Variants in KRT17 observed in about 807,000 individuals in gnomAD.
KRT17 encodes the protein keratin, type I cytoskeletal 17.
Under a neutral mutation model 45.6 loss-of-function variants are expected in KRT17, and 29 were observed. That is an observed-to-expected ratio of 0.64 (90% CI 0.47 to 0.87). The LOEUF (loss-of-function observed/expected upper bound fraction) is 0.87, where lower values mean the gene tolerates loss of function less well. Among genes scored for constraint, KRT17 ranks in the 40% least tolerant of loss-of-function variants. The pLI, the probability that KRT17 is intolerant of heterozygous loss-of-function variation, is 0.00. For synonymous variants in KRT17, 219 were observed against 234.6 expected (o/e 0.93, Z 0.61); for missense variants, 536 against 577.8 (o/e 0.93, Z 0.74).
At chr17:41,624,015 A>T in intron 1 of KRT17, 63 bp downstream of exon 1, 2 of 1,609,738 alleles carry the variant, frequency 1.2e-6, no homozygotes, top group Non-Finnish European at 1.7e-6. Flanking sequence ...GCCTTTGGCC[A>T]AGGCAGGAGT....
At chr17:41,621,227 T>C (rs1908531597) in intron 4 of KRT17, 136 bp from the exon 5 acceptor site, 1 of 1,180,406 alleles carries the variant, frequency 8.5e-7, no homozygotes, top group South Asian at 1.3e-5. Context: ...AACATGCCAT[T>C]TGAAATGTTA....
rs762953063 is a variant in KRT17 at position 41,619,564 on chromosome 17, C to T, written c.*30G>A. The T allele has an allele frequency of 4.3e-6, 7 of 1,611,840 alleles. No individual in the cohort carries two copies. The highest frequency in any genetic ancestry group is 2.2e-5 in the East Asian group (1 of 44,880). The stretch of plus-strand genomic sequence containing the variant: ...AGATGGGGCGGCTGCCTCCCTGCCT[C>T]CTGGGTGGCCGGCCGGGGTAGCTGA... On this transcript the variant is annotated 3_prime_UTR_variant, in exon 8 of 8. Coordinates refer to ENST00000311208, the MANE Select transcript of KRT17 (RefSeq NM_000422.3).
At position 41,620,976 on chromosome 17, in the gene KRT17, TG is replaced by T. The variant is rs749914341; in HGVS notation, c.949del (p.Gln317SerfsTer4). 6.2e-6 allele frequency: 10 copies of T among 1,614,066 alleles called. No individual in the cohort carries two copies. In the Admixed American group the frequency reaches 1.7e-4, roughly 27 times the overall value. ...MQALEIELQS[Q>X]LSMKASLEGN... The stretch of plus-strand genomic sequence containing the variant: ...CAGGACTGTTCCTACCATGCTGAGC[TG>T]GGACTGCAGCTCTATCTCCAAGGCC... On this transcript the variant is annotated frameshift_variant, in exon 5 of 8. Transcript: ENST00000311208. LOFTEE classifies it high-confidence loss of function.
At chr17:41,624,011 G>C in intron 1 of KRT17, 67 bp downstream of exon 1, 1 of 1,606,730 alleles carries the variant, frequency 6.2e-7, no homozygotes, top group Non-Finnish European at 8.5e-7. Context: ...CCAGGCCTTT[G>C]GCCAAGGCAG....
At position 41,623,009 on chromosome 17, in the gene KRT17, A is replaced by G. The variant is rs142252437; in HGVS notation, c.456T>C (p.Asn152=). ...QNKILTATVD[N]ANILLQIDNA... is the part of the protein sequence containing the mutation. The stretch of plus-strand genomic sequence containing the variant: ...TGTCAATCTGTAGCAGGATGTTGGC[A>G]TTGTCCACGGTGGCTGTGAGGATCT... Residue 152 remains asparagine, a synonymous_variant, in exon 2 of 8, where the codon AAT becomes AAC. Transcript: ENST00000311208. The G allele has an allele frequency of 1.9e-4, 302 of 1,613,330 alleles. No individual in the cohort carries two copies. Among genetic ancestry groups the G allele is most frequent in the Non-Finnish European group, 2.5e-4 (290 of 1,179,740 alleles).
chr17:41,623,116 G>T, intron 1 of KRT17, 84 bp from the exon 2 acceptor site: 2 of 1,049,850 alleles, frequency 1.9e-6, no homozygotes, highest in Non-Finnish European at 3.0e-6. Flanking sequence ...TCCTGCCTCA[G>T]GGCCTCTCTT....
chr17:41,622,733 T>A (rs1323667929), intron 2 of KRT17: 4 of 700,848 alleles, frequency 5.7e-6, no homozygotes, highest in Non-Finnish European at 1.0e-5. Flanking sequence ...GCCTCCCGCC[T>A]CCCCTCCTTC....
intron 1 of KRT17, among the ~76,000 whole-genome samples, chr17:41,623,647 C>T (rs547999881): frequency 2.6e-5 from 4 of 152,156 alleles, no homozygotes; most frequent in African/African-American, 9.6e-5. Context: ...TTTCTGCCTC[C>T]TCCTGCAGCA....
At chr17:41,623,197 T>G (rs1567749314) in intron 1 of KRT17, 165 bp from the exon 2 acceptor site, 1 of 629,992 alleles carries the variant, frequency 1.6e-6, no homozygotes, top group African/African-American at 1.8e-5. Flanking sequence ...TCTGAAGGGC[T>G]GAAAGGTGCC....
At chr17:41,620,458 C>T (rs1364660082) in intron 7 of KRT17, 78 bp downstream of exon 7, 30 of 1,611,344 alleles carry the variant, frequency 1.9e-5, no homozygotes, top group East Asian at 2.2e-5. Context: ...CTCCTGGGGA[C>T]CCTGCCCCAG....
intron 1 of KRT17, 51 bp downstream of exon 1, chr17:41,624,027 G>A (rs1908635813): frequency 6.2e-7 from 1 of 1,610,350 alleles, no homozygotes; most frequent in African/African-American, 1.3e-5. Flanking sequence ...GGCAGGAGTT[G>A]GGGGGAAGAA....
chr17:41,620,597 G>A (rs1908502468), intron 6 of KRT17, 39 bp from the exon 7 acceptor site: 3 of 1,611,066 alleles, frequency 1.9e-6, no homozygotes, highest in Non-Finnish European at 1.7e-6. Context: ...ATTAGATGTG[G>A]GTCTGAGAGC....
At position 41,620,672 on chromosome 17, in the gene KRT17, C is replaced by T. The variant is rs1378842447; in HGVS notation, c.1168G>A (p.Gly390Arg). 3.7e-6 allele frequency: 6 copies of T among 1,612,062 alleles called. No homozygotes were observed. The highest frequency in any genetic ancestry group is 5.1e-6 in the Non-Finnish European group (6 of 1,179,882). ...EIATYRRLLE[G>R]EDAHLTQYKK... ...GCCCCCACTCACTGGGCATCCTCTCCCTCCAGCAGGCGGCGGTAGGTGGCA... is the reference window on the plus strand; with the variant it reads ...GCCCCCACTCACTGGGCATCCTCTCTCTCCAGCAGGCGGCGGTAGGTGGCA... Residue 390 changes from glycine (G) to arginine (R), a missense_variant, in exon 6 of 8, where the codon GGA (glycine) becomes AGA (arginine). By Grantham distance (125) the Gly-to-Arg change is moderately radical. Transcript: ENST00000311208.
chr17:41,621,834 C>A (rs1908555351), intron 3 of KRT17, 80 bp from the exon 4 acceptor site: 1 of 1,518,714 alleles, frequency 6.6e-7, no homozygotes, highest in African/African-American at 1.4e-5. Flanking sequence ...CACAAGGGGA[C>A]CCCACTTCCC....
At position 41,619,561 on chromosome 17, in the gene KRT17, C is replaced by G. The variant is rs536862988; in HGVS notation, c.*33G>C. ...GGCAGATGGGGCGGCTGCCTCCCTG[C>G]CTCCTGGGTGGCCGGCCGGGGTAGC... On this transcript the variant is annotated 3_prime_UTR_variant, in exon 8 of 8. Transcript: ENST00000311208. 6.2e-7 allele frequency: 1 copy of G among 1,611,672 alleles called. No homozygotes were observed. Among genetic ancestry groups the G allele is most frequent in the African/African-American group, 1.3e-5 (1 of 74,872 alleles).
chr17:41,624,035 G>C, intron 1 of KRT17, 43 bp downstream of exon 1: 5 of 1,611,224 alleles, frequency 3.1e-6, no homozygotes, highest in Non-Finnish European at 1.7e-6. Context: ...TTGGGGGGAA[G>C]AAGTCATGCC....
intron 1 of KRT17, among the ~76,000 whole-genome samples, chr17:41,623,810 C>T (rs1330255665): frequency 6.6e-6 from 1 of 152,202 alleles, no homozygotes; most frequent in Non-Finnish European, 1.5e-5. Context: ...CCTACAACCT[C>T]TCCAGGTGGC....
rs1278884617 is a variant in KRT17, at chr17:41,621,668, G to C, written c.759C>G (p.Leu253=). The C allele has an allele frequency of 1.9e-6, 3 of 1,612,098 alleles. No individual in the cohort carries two copies. Among genetic ancestry groups the C allele is most frequent in the Non-Finnish European group, 2.5e-6 (3 of 1,179,860 alleles). The change falls in exon 4 of 8, where the codon CTC becomes CTG. Residue 253 remains leucine (L), a synonymous_variant. Coordinates refer to ENST00000311208, the MANE Select transcript of KRT17 (RefSeq NM_000422.3). ...TCTCATACTGGTCACGCATCTCGTT[G>C]AGGATGCGGCTCAGGTCCACGCCTG... is the stretch of plus-strand genomic sequence containing the variant. ...AAPGVDLSRI[L]NEMRDQYEKM...
chr17:41,623,088 A>C, intron 1 of KRT17, 56 bp from the exon 2 acceptor site: 1 of 1,317,716 alleles, frequency 7.6e-7, no homozygotes, highest in East Asian at 2.3e-5. Context: ...AGCCCACACC[A>C]GGGTTCTGAG....
Sources: gnomAD v4.1 joint callset for allele counts (sites outside exome capture counted in the v4.1 genomes callset) on GRCh38, gnomAD v4.1.1 for gene constraint, MANE v1.5 for transcripts, NCBI Gene and HGNC (gene_info 2026-07-23, HGNC 2026-07-21) for gene names.